Variants in CNTLN observed in about 807,000 individuals in gnomAD.
The protein encoded by CNTLN is centlein.
A neutral mutation model predicts 180.0 loss-of-function variants in CNTLN; 212 were observed. That is an observed-to-expected ratio of 1.18 (90% CI 1.05 to 1.32). The LOEUF (loss-of-function observed/expected upper bound fraction) is 1.32, where lower values mean the gene tolerates loss of function less well. Among genes scored for constraint, CNTLN ranks in the 40% most tolerant of loss-of-function variants. The pLI, the probability that CNTLN is intolerant of heterozygous loss-of-function variation, is 0.00. For missense variants in CNTLN, 2,095 were observed against 1,610.9 expected (o/e 1.30, Z -5.14); for synonymous variants, 722 against 563.1 (o/e 1.28, Z -3.99).
intron 12 of CNTLN, 33 bp from the exon 13 acceptor site, chr9:17,366,584 G>A: frequency 1.9e-6 from 2 of 1,033,232 alleles, no homozygotes; most frequent in East Asian, 2.5e-5. Context: ...AAAACAATAT[G>A]GTTTTAAGTA....
chr9:17,445,501 C>T (rs559413730), intron 18 of CNTLN, among the ~76,000 whole-genome samples: 2,338 of 152,252 alleles, frequency 0.015, 31 homozygotes, highest in Non-Finnish European at 0.027. Context: ...CCCCCAACCC[C>T]GTGCTCTCTG....
At position 17,135,225 on chromosome 9, in the gene CNTLN, G is replaced by T. The variant is rs866886526; in HGVS notation, c.160G>T (p.Asp54Tyr). 1.9e-6 allele frequency: 3 copies of T among 1,609,910 alleles called. No homozygotes were observed. The Admixed American group carries it at 5.0e-5, about 27-fold the overall frequency. Reference protein sequence around the residue: ...AAREVVADESDKIWVGEEGSG... With the variant: ...AAREVVADESYKIWVGEEGSG... ...GCGGGAGGTGGTCGCGGACGAAAGT[G>T]ATAAAATCTGGGTGGGTGAAGAAGG... Residue 54 changes from aspartate to tyrosine, a missense_variant, in exon 1 of 26, where the codon GAT becomes TAT. By Grantham distance (160) the Asp-to-Tyr change is radical. Transcript: ENST00000380647.
At chr9:17,261,175 A>G (rs1013808939) in intron 5 of CNTLN, among the ~76,000 whole-genome samples, 2 of 151,426 alleles carry the variant, frequency 1.3e-5, no homozygotes, top group African/African-American at 2.4e-5. Context: ...TTGGTTTCAT[A>G]TAAATTTTGG....
At chr9:17,516,470 G>C in the CNTLN span, among the ~76,000 whole-genome samples, 1 of 152,294 alleles carries the variant, frequency 6.6e-6, no homozygotes, top group African/African-American at 2.4e-5. Flanking sequence ...CCAGGAAAAA[G>C]GGTATAACTT....
intron 25 of CNTLN, among the ~76,000 whole-genome samples, chr9:17,488,471 A>T (rs889474332): frequency 2.6e-5 from 4 of 152,164 alleles, no homozygotes; most frequent in African/African-American, 9.7e-5. Flanking sequence ...ATGAATTTTT[A>T]AAATGTTCAC....
chr9:17,296,084 C>T (rs183617390), intron 6 of CNTLN, among the ~76,000 whole-genome samples: 3 of 150,714 alleles, frequency 2.0e-5, no homozygotes, highest in East Asian at 2.0e-4. Context: ...TGGGGTGGTG[C>T]GATCTCGGCT....
At chr9:17,230,766 G>A (rs978929625) in intron 3 of CNTLN, among the ~76,000 whole-genome samples, 2 of 152,020 alleles carry the variant, frequency 1.3e-5, no homozygotes, top group African/African-American at 4.8e-5. Flanking sequence ...CAACATGACA[G>A]GGGTCCAGTA....
intron 6 of CNTLN, among the ~76,000 whole-genome samples, chr9:17,288,612 A>T (rs1829151477): frequency 7.6e-6 from 1 of 131,874 alleles, no homozygotes. Context: ...GTGGGGTGTT[A>T]AAGTCTCCCA....
intron 6 of CNTLN, among the ~76,000 whole-genome samples, chr9:17,281,951 G>A (rs778878396): frequency 6.9e-6 from 1 of 144,964 alleles, no homozygotes; most frequent in Non-Finnish European, 1.5e-5. Flanking sequence ...GCCAGAATCT[G>A]TTGTTCCTTG....
intron 3 of CNTLN, among the ~76,000 whole-genome samples, chr9:17,230,859 T>A (rs1824771598): frequency 1.3e-5 from 2 of 152,076 alleles, no homozygotes; most frequent in Admixed American, 1.3e-4. Flanking sequence ...CAAGCATGAC[T>A]GAGCCATCCT....
At chr9:17,159,415 C>G (rs1292784304) in intron 2 of CNTLN, among the ~76,000 whole-genome samples, 1 of 152,120 alleles carries the variant, frequency 6.6e-6, no homozygotes. Context: ...GAGCTGATTG[C>G]TTAGTGGAAG....
chr9:17,505,544 C>T (rs749701556), downstream of CNTLN, among the ~76,000 whole-genome samples: 3 of 151,588 alleles, frequency 2.0e-5, no homozygotes, highest in Non-Finnish European at 2.9e-5. Flanking sequence ...TACAATTTCC[C>T]GAAAAAGAGA....
chr9:17,260,197 A>C (rs1278761492), intron 5 of CNTLN, among the ~76,000 whole-genome samples: 1 of 148,314 alleles, frequency 6.7e-6, no homozygotes, highest in Non-Finnish European at 1.5e-5. Context: ...TTTGGTTTCA[A>C]AGAACATCTT....
chr9:17,504,733 G>T (rs545990804), downstream of CNTLN, among the ~76,000 whole-genome samples: 1 of 152,208 alleles, frequency 6.6e-6, no homozygotes, highest in East Asian at 1.9e-4. Flanking sequence ...TTAAAATATG[G>T]AGGAAACGGC....
At chr9:17,259,289 G>C (rs1021783342) in intron 5 of CNTLN, among the ~76,000 whole-genome samples, 7 of 145,508 alleles carry the variant, frequency 4.8e-5, no homozygotes, top group Non-Finnish European at 9.0e-5. Flanking sequence ...ATTGATTTGC[G>C]TATATTGAAC....
chr9:17,295,997 A>AGAGAGAGAGT (rs1342910465), intron 6 of CNTLN, among the ~76,000 whole-genome samples: 62 of 91,336 alleles, frequency 6.8e-4, no homozygotes, highest in African/African-American at 3.5e-3. Flanking sequence ...AGAGAGAGAG[A>AGAGAGAGAGT]GTGTGTGTGT....
chr9:17,324,528 A>T (rs963882660), intron 8 of CNTLN, among the ~76,000 whole-genome samples: 15 of 152,092 alleles, frequency 9.9e-5, no homozygotes, highest in African/African-American at 2.4e-4. Flanking sequence ...GTGACATGTA[A>T]ATATTACTAA....
intron 18 of CNTLN, among the ~76,000 whole-genome samples, chr9:17,423,408 C>T (rs1007610783): frequency 6.6e-6 from 1 of 152,090 alleles, no homozygotes; most frequent in Non-Finnish European, 1.5e-5. Flanking sequence ...ATTTATTTTA[C>T]TGTGGCAGAG....
At chr9:17,190,676 T>G (rs929292562) in intron 2 of CNTLN, among the ~76,000 whole-genome samples, 1 of 152,190 alleles carries the variant, frequency 6.6e-6, no homozygotes, top group African/African-American at 2.4e-5. Context: ...CTTGAAGGTA[T>G]GTGACTTATT....
Sources: gnomAD v4.1 joint callset for allele counts (sites outside exome capture counted in the v4.1 genomes callset) on GRCh38, gnomAD v4.1.1 for gene constraint, MANE v1.5 for transcripts, NCBI Gene and HGNC (gene_info 2026-07-23, HGNC 2026-07-21) for gene names.